AKAP19: variants seen among roughly 807,000 people sequenced by gnomAD.
AKAP19 encodes small A-kinase anchoring protein.
chr2:190,011,286 C>T, the AKAP19 span, among the ~76,000 whole-genome samples: 2 of 152,224 alleles, frequency 1.3e-5, no homozygotes, highest in East Asian at 3.9e-4. Context: ...GTCTTGAACT[C>T]CTGGCCTTAA....
At chr2:190,170,550 A>T in the AKAP19 span, among the ~76,000 whole-genome samples, 1 of 152,036 alleles carries the variant, frequency 6.6e-6, no homozygotes, top group African/African-American at 2.4e-5. Flanking sequence ...TAGTTTCCTT[A>T]TGTTTCTGTC....
At chr2:190,109,375 C>T in the AKAP19 span, among the ~76,000 whole-genome samples, 11 of 151,806 alleles carry the variant, frequency 7.2e-5, no homozygotes, top group African/African-American at 2.7e-4. Context: ...CTGACAGTGT[C>T]AGAAAGAGAA....
the AKAP19 span, among the ~76,000 whole-genome samples, chr2:190,103,508 A>T: frequency 1.2e-4 from 19 of 152,250 alleles, no homozygotes; most frequent in African/African-American, 4.6e-4. Flanking sequence ...ATACAAAATC[A>T]ACGTACAAAT....
chr2:189,920,202 G>C, the AKAP19 span, among the ~76,000 whole-genome samples: 2 of 152,150 alleles, frequency 1.3e-5, no homozygotes, highest in Non-Finnish European at 2.9e-5. Context: ...AAAAATATAA[G>C]TGTATTCTTC....
the AKAP19 span, among the ~76,000 whole-genome samples, chr2:190,091,815 A>G: frequency 6.6e-6 from 1 of 152,178 alleles, no homozygotes; most frequent in South Asian, 2.1e-4. Flanking sequence ...TTGAAATAAT[A>G]TGATTACAAA....
the AKAP19 span, among the ~76,000 whole-genome samples, chr2:190,068,537 G>C: frequency 6.6e-6 from 1 of 152,124 alleles, no homozygotes; most frequent in Non-Finnish European, 1.5e-5. Flanking sequence ...TGCCATGTTG[G>C]CTAGGCTGGT....
At chr2:190,127,540 A>T in the AKAP19 span, among the ~76,000 whole-genome samples, 1 of 152,172 alleles carries the variant, frequency 6.6e-6, no homozygotes, top group African/African-American at 2.4e-5. Context: ...ACAAAATAAA[A>T]ATATATGTGA....
At chr2:189,955,756 G>T in the AKAP19 span, among the ~76,000 whole-genome samples, 1 of 152,100 alleles carries the variant, frequency 6.6e-6, no homozygotes, top group South Asian at 2.1e-4. Flanking sequence ...TGTAATTTAA[G>T]AACACAAAAT....
the AKAP19 span, among the ~76,000 whole-genome samples, chr2:190,143,660 C>A: frequency 6.6e-6 from 1 of 152,104 alleles, no homozygotes; most frequent in Admixed American, 6.5e-5. Context: ...ACCCAGCCAT[C>A]CCATTACTGG....
the AKAP19 span, among the ~76,000 whole-genome samples, chr2:190,074,002 A>G: frequency 6.6e-6 from 1 of 151,442 alleles, no homozygotes; most frequent in South Asian, 2.1e-4. Flanking sequence ...AGATTGTGCC[A>G]CTGCACTTCA....
At chr2:189,943,469 TG>T in the AKAP19 span, among the ~76,000 whole-genome samples, 4 of 152,228 alleles carry the variant, frequency 2.6e-5, no homozygotes, top group Non-Finnish European at 5.9e-5. Flanking sequence ...GGCAGAAGCC[TG>T]CTTCAGGGGC....
the AKAP19 span, among the ~76,000 whole-genome samples, chr2:190,053,780 T>C: frequency 2.0e-5 from 3 of 152,202 alleles, no homozygotes; most frequent in Non-Finnish European, 4.4e-5. Flanking sequence ...AATATTTGAA[T>C]TTAGATTTCT....
chr2:190,133,012 G>C, the AKAP19 span, among the ~76,000 whole-genome samples: 1 of 151,850 alleles, frequency 6.6e-6, no homozygotes, highest in African/African-American at 2.4e-5. Flanking sequence ...CAAGGTGGGC[G>C]GATCATGAGG....
chr2:190,039,016 CTCTTCCTCT>C, the AKAP19 span, among the ~76,000 whole-genome samples: 8,695 of 120,410 alleles, frequency 0.072, 477 homozygotes, highest in East Asian at 0.11. Flanking sequence ...CTTCCTCTTC[CTCTTCCTCT>C]TCTTCCTCTT....
chr2:189,905,033 C>A, the AKAP19 span, among the ~76,000 whole-genome samples: 8 of 151,846 alleles, frequency 5.3e-5, no homozygotes, highest in Non-Finnish European at 1.2e-4. Flanking sequence ...TAAATAGGCC[C>A]TTTGATTCTA....
the AKAP19 span, among the ~76,000 whole-genome samples, chr2:189,888,714 G>C: frequency 6.6e-6 from 1 of 152,156 alleles, no homozygotes; most frequent in Non-Finnish European, 1.5e-5. Flanking sequence ...TTGTGAATGG[G>C]AGTTCACTCA....
chr2:190,199,428 TTG>T, the AKAP19 span, among the ~76,000 whole-genome samples: 2 of 147,222 alleles, frequency 1.4e-5, no homozygotes, highest in African/African-American at 2.7e-5. Flanking sequence ...TTGAATTGTT[TTG>T]GTATAGATAA....
At chr2:189,992,732 T>G in the AKAP19 span, among the ~76,000 whole-genome samples, 1 of 152,198 alleles carries the variant, frequency 6.6e-6, no homozygotes, top group Non-Finnish European at 1.5e-5. Flanking sequence ...TAGAGGTCTT[T>G]CACCTCCTTG....
chr2:189,976,397 G>C, the AKAP19 span, among the ~76,000 whole-genome samples: 1 of 152,206 alleles, frequency 6.6e-6, no homozygotes, highest in Non-Finnish European at 1.5e-5. Context: ...ACTGGGGGGT[G>C]CCTCCCAATT....
Sources: allele counts gnomAD v4.1 joint callset (sites outside exome capture counted in the v4.1 genomes callset), GRCh38; gene constraint gnomAD v4.1.1; transcripts MANE v1.5; gene names NCBI Gene and HGNC (gene_info 2026-07-23, HGNC 2026-07-21).